The following PCDHA2 variants were observed in gnomAD, a reference collection of about 807,000 sequenced individuals.
The protein encoded by PCDHA2 is protocadherin alpha-2.
PCDHA2 carries 58 observed loss-of-function variants against 66.0 expected under a neutral mutation model. That is an observed-to-expected ratio of 0.88 (90% CI 0.71 to 1.09). The LOEUF (loss-of-function observed/expected upper bound fraction) is 1.09. PCDHA2 is among the 50% of genes least tolerant of loss of function. The pLI is 0.00. For missense variants in PCDHA2, 1,267 were observed against 1,242.3 expected (o/e 1.02, Z -0.30); for synonymous variants, 634 against 554.0 (o/e 1.14, Z -2.03).
At position 140,875,798 on chromosome 5, in the gene PCDHA2, T is replaced by C. The variant is rs377753022; in HGVS notation, c.2388+78446T>C. On this transcript the variant is annotated intron_variant, in intron 1 of 3. Coordinates refer to ENST00000526136, the MANE Select transcript of PCDHA2 (RefSeq NM_018905.3). ...GAGTGCAGTATCCACCTGGAGGTGATCGTGGACAGGCCGCTGCAGGTTTTC... is the reference window on the plus strand; with the variant it reads ...GAGTGCAGTATCCACCTGGAGGTGACCGTGGACAGGCCGCTGCAGGTTTTC... 1.5e-5 allele frequency: 24 copies of C among 1,614,138 alleles called. No individual in the cohort carries two copies. In the African/African-American group the frequency reaches 3.1e-4, roughly 21 times the overall value.
chr5:140,988,560 T>C (rs1184536302), intron 3 of PCDHA2, among the ~76,000 whole-genome samples: 3 of 152,138 alleles, frequency 2.0e-5, no homozygotes, highest in Admixed American at 2.0e-4. Context: ...CATCTTCTTC[T>C]TGGGAAAACA....
Position 140,838,464 on chromosome 5 carries a change from C to T in PCDHA2, c.2388+41112C>T, listed in dbSNP as rs2150289742. Among the ~76,000 whole-genome samples the T allele has an allele frequency of 1.1e-4, 16 of 151,566 alleles. 1 individual carries two copies. In the South Asian group the frequency reaches 2.5e-3, roughly 24 times the overall value. ...GTTTTGTGGCATATTATTTCATTAG[C>T]GCTTATTCCTTGTTTTTGATTATTT... is the stretch of plus-strand genomic sequence containing the variant. On this transcript the variant is annotated intron_variant, in intron 1 of 3. Coordinates refer to ENST00000526136, the MANE Select transcript of PCDHA2 (RefSeq NM_018905.3).
At chr5:140,803,186 C>T (rs1395786407) in intron 1 of PCDHA2, 5 of 1,613,840 alleles carry the variant, frequency 3.1e-6, no homozygotes, top group African/African-American at 2.7e-5. Flanking sequence ...CCGCCACGGC[C>T]ACTGTGCTGG....
chr5:140,855,044 T>C lies in PCDHA2; in HGVS notation c.2388+57692T>C, dbSNP rs1055824292. ...TCTTGTATAAAGGATTTTTCTGTAA[T>C]AGTACTTTTCTGTTTTCTTAAATAC... On this transcript the variant is annotated intron_variant, in intron 1 of 3. Coordinates refer to ENST00000526136, the MANE Select transcript of PCDHA2 (RefSeq NM_018905.3). 4.0e-5 allele frequency among the ~76,000 whole-genome samples: 6 copies of C among 149,952 alleles called. 2 individuals carry two copies. The highest frequency in any genetic ancestry group is 8.9e-5 in the Non-Finnish European group (6 of 67,110).
At chr5:140,905,620 T>G (rs1417322136) in intron 1 of PCDHA2, among the ~76,000 whole-genome samples, 2 of 152,210 alleles carry the variant, frequency 1.3e-5, no homozygotes, top group African/African-American at 4.8e-5. Context: ...ATAGATTGCT[T>G]TTGACAGTAT....
At chr5:140,844,880 C>A (rs1779593021) in intron 1 of PCDHA2, among the ~76,000 whole-genome samples, 2 of 149,342 alleles carry the variant, frequency 1.3e-5, no homozygotes, top group South Asian at 4.2e-4. Context: ...ACCCATTAGA[C>A]TTCGTGCATA....
rs2053195452 is a variant in PCDHA2, at chr5:140,871,568, T to G, written c.2388+74216T>G. ...TTAAAATCCAGTTTTTTTTCACGGATTTTTTAAGGGAAAGTTTTATGAATA... is the reference window on the plus strand; with the variant it reads ...TTAAAATCCAGTTTTTTTTCACGGAGTTTTTAAGGGAAAGTTTTATGAATA... On this transcript the variant is annotated intron_variant, in intron 1 of 3. Coordinates refer to ENST00000526136, the MANE Select transcript of PCDHA2 (RefSeq NM_018905.3). 4.7e-6 allele frequency: 7 copies of G among 1,481,802 alleles called. No homozygotes were observed. In the East Asian group the frequency reaches 1.7e-4, roughly 37 times the overall value. The allele number at this position is 1,481,802 out of a possible 1,614,324, so 91.8% of individuals were successfully genotyped here. A position where few individuals can be genotyped will look rare whatever the true frequency, so the allele number is the denominator to read the frequency against.
In PCDHA2 at chr5:140,997,052, G is replaced by A. The variant is rs1410360967; in HGVS notation, c.2537-12575G>A. On this transcript the variant is annotated intron_variant, in intron 3 of 3. Transcript: ENST00000526136. ...AAATTAATGAACTTTACTTTTTAGAGCAGTTTTAGGTTCACAGGAAAGTTG... is the reference window on the plus strand; with the variant it reads ...AAATTAATGAACTTTACTTTTTAGAACAGTTTTAGGTTCACAGGAAAGTTG... Among the ~76,000 whole-genome samples, 5 of 152,148 alleles carry A rather than the reference G, an allele frequency of 3.3e-5. No homozygotes were observed. The East Asian group carries it at 9.6e-4, about 29-fold the overall frequency.
chr5:140,822,949 G>A (rs782104734), intron 1 of PCDHA2: 3 of 1,614,228 alleles, frequency 1.9e-6, no homozygotes, highest in South Asian at 2.2e-5. Flanking sequence ...AATGCCCCAC[G>A]TTCCCTTCAA....
At chr5:140,943,690 CA>C (rs2093548144) in intron 1 of PCDHA2, among the ~76,000 whole-genome samples, 1 of 151,974 alleles carries the variant, frequency 6.6e-6, no homozygotes, top group Non-Finnish European at 1.5e-5. Context: ...GGGATAAGGT[CA>C]AAATATTGTG....
chr5:140,850,815 C>A (rs2041835353), intron 1 of PCDHA2: 1 of 1,598,236 alleles, frequency 6.3e-7, no homozygotes, highest in East Asian at 2.2e-5. Flanking sequence ...GGCCTTCAGC[C>A]CGGGCCTTTC....
intron 1 of PCDHA2, among the ~76,000 whole-genome samples, chr5:140,956,211 T>C (rs908749043): frequency 6.6e-6 from 1 of 152,198 alleles, no homozygotes; most frequent in African/African-American, 2.4e-5. Context: ...AAAGAGGGCA[T>C]CCTTGTCTTG....
At chr5:140,876,684 C>T (rs973560970) in intron 1 of PCDHA2, 29 of 1,614,110 alleles carry the variant, frequency 1.8e-5, no homozygotes, top group Admixed American at 3.3e-5. Flanking sequence ...ACAAGAATTA[C>T]TACTCGTTGG....
intron 1 of PCDHA2, among the ~76,000 whole-genome samples, chr5:140,905,749 C>T (rs1442006265): frequency 6.6e-6 from 1 of 152,162 alleles, no homozygotes; most frequent in Non-Finnish European, 1.5e-5. Flanking sequence ...AGATCTTTCA[C>T]CTCCTTGGTT....
At chr5:140,798,769 G>A (rs1419185149) in intron 1 of PCDHA2, among the ~76,000 whole-genome samples, 1 of 152,084 alleles carries the variant, frequency 6.6e-6, no homozygotes, top group Non-Finnish European at 1.5e-5. Flanking sequence ...CACTGAACTC[G>A]ACAAGTAAAT....
intron 1 of PCDHA2, among the ~76,000 whole-genome samples, chr5:140,916,237 A>G (rs1004473327): frequency 6.6e-6 from 1 of 152,182 alleles, no homozygotes; most frequent in African/African-American, 2.4e-5. Context: ...CCAGGAGCCA[A>G]AGCCTGGACT....
chr5:140,967,104 A>T (rs374744732), intron 1 of PCDHA2: 3 of 1,613,028 alleles, frequency 1.9e-6, no homozygotes, highest in Non-Finnish European at 2.5e-6. Context: ...CTGTGTGAGC[A>T]GCGGCCTCGC....
At chr5:140,914,501 C>T (rs1231907689) in intron 1 of PCDHA2, among the ~76,000 whole-genome samples, 1 of 152,084 alleles carries the variant, frequency 6.6e-6, no homozygotes, top group African/African-American at 2.4e-5. Context: ...GGCAACAGAT[C>T]ATTGGGTCAT....
intron 3 of PCDHA2, among the ~76,000 whole-genome samples, chr5:141,007,395 C>CAAAAAAAAAAAAAAA (rs35800918): frequency 2.1e-5 from 2 of 94,866 alleles, no homozygotes; most frequent in Non-Finnish European, 2.1e-5. Context: ...TACTAAAATA[C>CAAAAAAAAAAAAAAA]AAAAAAAAAA....
Sources: allele counts gnomAD v4.1 joint callset (sites outside exome capture counted in the v4.1 genomes callset), GRCh38; gene constraint gnomAD v4.1.1; transcripts MANE v1.5; gene names NCBI Gene and HGNC (gene_info 2026-07-23, HGNC 2026-07-21).